The following MAF variants were observed in gnomAD, a reference collection of about 807,000 sequenced individuals.
MAF encodes transcription factor Maf.
In MAF, 10 loss-of-function variants were observed where a neutral mutation model predicts 22.0. That is an observed-to-expected ratio of 0.45 (90% confidence interval 0.28 to 0.77). The LOEUF is 0.77. Among genes scored for constraint, MAF ranks in the 30% least tolerant of loss-of-function variants. MAF has a pLI of 0.12. For synonymous variants in MAF, 337 were observed against 255.8 expected, an observed-to-expected ratio of 1.32 and a Z score of -3.03; for missense variants, 544 against 548.4, an observed-to-expected ratio of 0.99 and a Z score of 0.08.
downstream of MAF, among the ~76,000 whole-genome samples, chr16:79,581,882 C>G (rs535029495): frequency 2.0e-5 from 3 of 152,326 alleles, no homozygotes; most frequent in South Asian, 4.1e-4. Context: ...TCTCTATTGA[C>G]AATACCTGTA....
the MAF span, among the ~76,000 whole-genome samples, chr16:79,339,076 A>AT: frequency 6.6e-6 from 1 of 151,432 alleles, no homozygotes; most frequent in Non-Finnish European, 1.5e-5. Context: ...TTTTTAATTT[A>AT]TTTTTTATTT....
At chr16:79,272,369 A>G in the MAF span, among the ~76,000 whole-genome samples, 1 of 152,224 alleles carries the variant, frequency 6.6e-6, no homozygotes, top group Non-Finnish European at 1.5e-5. Context: ...CGAGCCCAAG[A>G]GTAACAGGCT....
At chr16:79,503,722 AG>A in the MAF span, among the ~76,000 whole-genome samples, 1 of 152,214 alleles carries the variant, frequency 6.6e-6, no homozygotes, top group Non-Finnish European at 1.5e-5. Flanking sequence ...TTTGGTCACC[AG>A]GAAGCTCAGA....
At chr16:79,487,842 T>C in the MAF span, among the ~76,000 whole-genome samples, 2 of 152,180 alleles carry the variant, frequency 1.3e-5, no homozygotes, top group Non-Finnish European at 2.9e-5. Context: ...TTGCTCTTGA[T>C]GGTAAACAGC....
At chr16:79,531,462 TA>T in the MAF span, among the ~76,000 whole-genome samples, 1 of 151,966 alleles carries the variant, frequency 6.6e-6, no homozygotes, top group African/African-American at 2.4e-5. Context: ...ATTATTAAAT[TA>T]TAATATATAA....
the MAF span, among the ~76,000 whole-genome samples, chr16:79,520,398 TG>T: frequency 6.6e-6 from 1 of 152,182 alleles, no homozygotes; most frequent in Admixed American, 6.5e-5. Context: ...CACCAGGAGC[TG>T]GCCCCATGGC....
the MAF span, among the ~76,000 whole-genome samples, chr16:79,404,115 A>G: frequency 1.3e-5 from 2 of 150,428 alleles, no homozygotes; most frequent in Admixed American, 1.3e-4. Context: ...ACCAGTGAAG[A>G]TGTCCGATTT....
At chr16:79,383,531 A>G in the MAF span, among the ~76,000 whole-genome samples, 2 of 152,238 alleles carry the variant, frequency 1.3e-5, no homozygotes, top group Non-Finnish European at 2.9e-5. Flanking sequence ...CATTATCTCA[A>G]GAAAATGCAA....
chr16:79,459,110 T>C, the MAF span, among the ~76,000 whole-genome samples: 85 of 152,302 alleles, frequency 5.6e-4, 1 homozygote, highest in Middle Eastern at 0.01. Context: ...TAGGCACCAT[T>C]CTTCTTTCCA....
chr16:79,514,219 T>C, the MAF span, among the ~76,000 whole-genome samples: 4 of 152,242 alleles, frequency 2.6e-5, no homozygotes, highest in Non-Finnish European at 4.4e-5. Context: ...TGTCTATTCA[T>C]AGTGGAGTCG....
chr16:79,585,245 T>C (rs1203841301), downstream of MAF, among the ~76,000 whole-genome samples: 1 of 152,196 alleles, frequency 6.6e-6, no homozygotes, highest in African/African-American at 2.4e-5. Flanking sequence ...ATTCCATTAT[T>C]TTAATAGATG....
the MAF span, among the ~76,000 whole-genome samples, chr16:79,274,465 C>T: frequency 6.6e-6 from 1 of 152,140 alleles, no homozygotes; most frequent in South Asian, 2.1e-4. Context: ...TGCAAATGCA[C>T]TAGGAGCTGC....
At chr16:79,421,968 G>T in the MAF span, among the ~76,000 whole-genome samples, 1 of 152,144 alleles carries the variant, frequency 6.6e-6, no homozygotes, top group South Asian at 2.1e-4. Flanking sequence ...AGTAGAGATG[G>T]GGTTTCACCA....
At chr16:79,287,547 T>C in the MAF span, among the ~76,000 whole-genome samples, 1 of 152,168 alleles carries the variant, frequency 6.6e-6, no homozygotes, top group Non-Finnish European at 1.5e-5. Flanking sequence ...ATGACCCACG[T>C]GTAATTAAAG....
chr16:79,299,728 T>C, the MAF span, among the ~76,000 whole-genome samples: 1 of 152,250 alleles, frequency 6.6e-6, no homozygotes, highest in Non-Finnish European at 1.5e-5. Context: ...TCTAATGCAA[T>C]GCTTTTCGTT....
chr16:79,440,168 T>C, the MAF span, among the ~76,000 whole-genome samples: 34 of 152,254 alleles, frequency 2.2e-4, no homozygotes, highest in South Asian at 7.1e-3. Context: ...CAATAGATGG[T>C]GTGTTTCTAA....
At chr16:79,432,149 T>C in the MAF span, among the ~76,000 whole-genome samples, 4 of 152,150 alleles carry the variant, frequency 2.6e-5, no homozygotes, top group East Asian at 1.9e-4. Context: ...GTTCCACTGA[T>C]AGTGAGTGAG....
At chr16:79,422,222 G>A in the MAF span, among the ~76,000 whole-genome samples, 9 of 152,234 alleles carry the variant, frequency 5.9e-5, no homozygotes, top group African/African-American at 9.6e-5. Context: ...CTAACCACTC[G>A]TTCTAAGAAC....
At chr16:79,338,731 A>G in the MAF span, among the ~76,000 whole-genome samples, 1 of 152,186 alleles carries the variant, frequency 6.6e-6, no homozygotes, top group Admixed American at 6.5e-5. Flanking sequence ...TACACTCGCG[A>G]CACTTCACTT....
Sources: allele counts gnomAD v4.1 joint callset (sites outside exome capture counted in the v4.1 genomes callset), GRCh38; gene constraint gnomAD v4.1.1; transcripts MANE v1.5; gene names NCBI Gene and HGNC (gene_info 2026-07-23, HGNC 2026-07-21).